The following RHEX variants were observed in gnomAD, a reference collection of about 807,000 sequenced individuals.
RHEX encodes the protein regulator of hemoglobinization and erythroid cell expansion protein.
Under a neutral mutation model 20.1 loss-of-function variants are expected in RHEX, and 18 were observed. That is an observed-to-expected ratio of 0.90 (90% confidence interval 0.62 to 1.33). The LOEUF is 1.33. RHEX is among the 40% of genes most tolerant of loss of function. The pLI, the probability that RHEX is intolerant of heterozygous loss-of-function variation, is 0.00. For missense variants in RHEX, 192 were observed against 214.3 expected, an observed-to-expected ratio of 0.90 and a Z score of 0.65; for synonymous variants, 87 against 77.1, an observed-to-expected ratio of 1.13 and a Z score of -0.67.
At chr1:206,091,063 C>T (rs1662939935) in intron 1 of RHEX, among the ~76,000 whole-genome samples, 1 of 152,222 alleles carries the variant, frequency 6.6e-6, no homozygotes, top group Non-Finnish European at 1.5e-5. Context: ...CAGGCTCCAG[C>T]ACCAGCCTGC....
chr1:206,053,513 T>C (rs1433722560), intron 1 of RHEX, among the ~76,000 whole-genome samples: 1 of 152,194 alleles, frequency 6.6e-6, no homozygotes, highest in African/African-American at 2.4e-5. Flanking sequence ...GTTTGTGGCA[T>C]GTGTGTGGTG....
chr1:206,081,000 C>G (rs1339670811), intron 1 of RHEX, among the ~76,000 whole-genome samples: 4 of 151,930 alleles, frequency 2.6e-5, no homozygotes, highest in African/African-American at 9.7e-5. Flanking sequence ...CACACACACA[C>G]AGACACATAC....
At chr1:206,096,913 C>G (rs1429242973) in intron 1 of RHEX, among the ~76,000 whole-genome samples, 1 of 151,670 alleles carries the variant, frequency 6.6e-6, no homozygotes. Context: ...TAGCTGGGAC[C>G]ACAGGCACAT....
intron 1 of RHEX, among the ~76,000 whole-genome samples, chr1:206,069,978 T>C (rs1662496534): frequency 6.6e-6 from 1 of 151,898 alleles, no homozygotes; most frequent in Admixed American, 6.6e-5. Context: ...ACCACATATA[T>C]GTATAAATTC....
At chr1:206,082,639 AT>A (rs1196847391) in intron 1 of RHEX, among the ~76,000 whole-genome samples, 1 of 152,200 alleles carries the variant, frequency 6.6e-6, no homozygotes, top group Non-Finnish European at 1.5e-5. Context: ...GATTTAAAAA[AT>A]ATCAGATATT....
At position 206,086,158 on chromosome 1, in the gene RHEX, C is replaced by G. The variant is rs148284417; in HGVS notation, c.-96-11575C>G. ...AGGCATTGTTTAGGACCAGGGACAT[C>G]GCAGGACCCCATGGTTTCGTACACT... On this transcript the variant is annotated intron_variant, in intron 1 of 5. Transcript: ENST00000331555. 3.2e-3 allele frequency among the ~76,000 whole-genome samples: 481 copies of G among 152,308 alleles called. 1 individual carries two copies. Among genetic ancestry groups the G allele is most frequent in the African/African-American group, 0.011 (447 of 41,564 alleles).
chr1:206,082,517 CAAA>C (rs71568088), intron 1 of RHEX, among the ~76,000 whole-genome samples: 2 of 116,018 alleles, frequency 1.7e-5, no homozygotes, highest in Non-Finnish European at 1.9e-5. Flanking sequence ...GACTCCGTCT[CAAA>C]AAAAAAAAAA....
chr1:206,093,131 T>C (rs1553287232), intron 1 of RHEX, among the ~76,000 whole-genome samples: 1 of 152,206 alleles, frequency 6.6e-6, no homozygotes, highest in East Asian at 1.9e-4. Flanking sequence ...TTTTGTTCTC[T>C]TTCCATTATA....
At chr1:206,092,126 GTTGCCCAGGC>G (rs1553287120) in intron 1 of RHEX, among the ~76,000 whole-genome samples, 1 of 148,434 alleles carries the variant, frequency 6.7e-6, no homozygotes. Context: ...GTCTTGCCTT[GTTGCCCAGGC>G]TGATCTCCAA....
chr1:206,098,035 C>T, intron 2 of RHEX, 46 bp from the exon 3 acceptor site: 1 of 1,445,700 alleles, frequency 6.9e-7, no homozygotes, highest in Non-Finnish European at 9.7e-7. Flanking sequence ...CAATTGTATT[C>T]ACATCCTTGC....
chr1:206,098,133 C>T lies in RHEX; in HGVS notation c.64C>T (p.Gln22Ter). The T allele has an allele frequency of 1.9e-6, 3 of 1,614,024 alleles. No homozygotes were observed. Among genetic ancestry groups the T allele is most frequent in the South Asian group, 1.1e-5 (1 of 91,082 alleles). ...LVIAVVSLFLQACFLTAINYL... is the reference protein window; with the variant it reads ...LVIAVVSLFL Reference sequence around the variant, plus strand: ...GATCGCGGTGGTGTCCCTCTTCCTGCAGGCCTGCTTCCTCACCGCCATCAA... The same window carrying T: ...GATCGCGGTGGTGTCCCTCTTCCTGTAGGCCTGCTTCCTCACCGCCATCAA... The change falls in exon 3 of 6, where the codon CAG (glutamine) becomes TAG (stop). Residue 22 changes from glutamine (Q) to a stop codon, truncating the protein, a stop_gained. Transcript: ENST00000331555. LOFTEE classifies it high-confidence loss of function.
chr1:206,064,185 T>C (rs1406918497), intron 1 of RHEX, among the ~76,000 whole-genome samples: 258 of 113,188 alleles, frequency 2.3e-3, no homozygotes, highest in Non-Finnish European at 3.5e-3. Context: ...GTTAGGAGCC[T>C]CTCCGCCCGG....
chr1:206,081,594 A>G (rs74580543), intron 1 of RHEX, among the ~76,000 whole-genome samples: 1,572 of 152,346 alleles, frequency 0.01, 24 homozygotes, highest in African/African-American at 0.035. Flanking sequence ...AAGAGTGTGC[A>G]CAGAAGTGTA....
rs113558043 is a variant in RHEX, at chr1:206,102,059, A to G, written c.*107A>G. ...AACAAGGCATGGGGCTCACAAGTCT[A>G]TGGAGACAGGCCAAAAAGAATGTGG... On this transcript the variant is annotated 3_prime_UTR_variant, in exon 6 of 6. Coordinates refer to ENST00000331555, the MANE Select transcript of RHEX (RefSeq NM_001007544.4). 5.1e-3 allele frequency: 4,647 copies of G among 910,576 alleles called. 119 individuals carry two copies. In the African/African-American group the frequency reaches 0.059, roughly 12 times the overall value. The allele number at this position is 910,576 out of a possible 1,614,324, so 56.4% of individuals were successfully genotyped here.
intron 1 of RHEX, among the ~76,000 whole-genome samples, chr1:206,093,521 G>A (rs1417238164): frequency 5.3e-5 from 8 of 152,010 alleles, no homozygotes; most frequent in African/African-American, 1.9e-4. Flanking sequence ...CACCCACCTC[G>A]GCCTCCCAAA....
chr1:206,101,674 A>G (rs1663190082), intron 5 of RHEX, 78 bp from the exon 6 acceptor site: 1 of 1,123,564 alleles, frequency 8.9e-7, no homozygotes, highest in Admixed American at 2.0e-5. Context: ...CTTGTTGAGT[A>G]AGAGTTCAGT....
chr1:206,096,077 G>A (rs1429172488), intron 1 of RHEX, among the ~76,000 whole-genome samples: 1 of 152,114 alleles, frequency 6.6e-6, no homozygotes, highest in Non-Finnish European at 1.5e-5. Context: ...CAATCCACCT[G>A]CATCGGCCTC....
intron 1 of RHEX, among the ~76,000 whole-genome samples, chr1:206,071,546 C>CAAAAAAAAAAA (rs35408708): frequency 1.0e-5 from 1 of 95,896 alleles, no homozygotes. Flanking sequence ...GTTGAAAATG[C>CAAAAAAAAAAA]AAAAAAAAAA....
chr1:206,080,948 G>T (rs1043618634), intron 1 of RHEX, among the ~76,000 whole-genome samples: 1 of 151,980 alleles, frequency 6.6e-6, no homozygotes, highest in South Asian at 2.1e-4. Context: ...GACTACAGGC[G>T]CATGCCACCA....
Sources: gnomAD v4.1 joint callset for allele counts (sites outside exome capture counted in the v4.1 genomes callset) on GRCh38, gnomAD v4.1.1 for gene constraint, MANE v1.5 for transcripts, NCBI Gene and HGNC (gene_info 2026-07-23, HGNC 2026-07-21) for gene names.